AGBL4: variants seen among roughly 807,000 people sequenced by gnomAD.
The protein encoded by AGBL4 is cytosolic carboxypeptidase 6.
AGBL4 carries 58 observed loss-of-function variants against 66.4 expected under a neutral mutation model. The ratio of observed to expected loss-of-function variants is 0.87; its 90% CI spans 0.71 to 1.09. AGBL4 has a LOEUF of 1.09. Among genes scored for constraint, AGBL4 ranks in the 50% least tolerant of loss-of-function variants. AGBL4 has a pLI of 0.00. For synonymous variants in AGBL4, 234 were observed against 222.9 expected (o/e 1.05, Z -0.44); for missense variants, 579 against 631.0 (o/e 0.92, Z 0.88).
chr1:48,646,393 G>A (rs1447209766), intron 8 of AGBL4, among the ~76,000 whole-genome samples: 3 of 152,160 alleles, frequency 2.0e-5, no homozygotes, highest in Non-Finnish European at 2.9e-5. Context: ...AGAACAAATA[G>A]AACATTGACA....
chr1:49,522,325 C>G (rs1650328608), intron 3 of AGBL4, among the ~76,000 whole-genome samples: 3 of 151,996 alleles, frequency 2.0e-5, no homozygotes, highest in Admixed American at 2.0e-4. Flanking sequence ...CTCTGTATTA[C>G]CTAATCAACA....
chr1:49,499,459 C>T (rs1004647186), intron 3 of AGBL4, among the ~76,000 whole-genome samples: 1 of 151,714 alleles, frequency 6.6e-6, no homozygotes, highest in Admixed American at 6.6e-5. Flanking sequence ...TTGGTGCACC[C>T]ACCACCCAAG....
chr1:48,626,614 T>C (rs1449400955), intron 9 of AGBL4, among the ~76,000 whole-genome samples: 1 of 152,164 alleles, frequency 6.6e-6, no homozygotes, highest in Non-Finnish European at 1.5e-5. Context: ...CTCTACTATG[T>C]GTAGACAAGG....
At chr1:49,727,362 C>T (rs963170402) in intron 2 of AGBL4, among the ~76,000 whole-genome samples, 2 of 151,842 alleles carry the variant, frequency 1.3e-5, no homozygotes, top group Non-Finnish European at 2.9e-5. Flanking sequence ...AGAAAAAGTG[C>T]ATAACAATAG....
intron 1 of AGBL4, among the ~76,000 whole-genome samples, chr1:49,990,702 G>A (rs141128966): frequency 6.6e-5 from 10 of 152,254 alleles, no homozygotes; most frequent in South Asian, 6.2e-4. Flanking sequence ...ATCTGTCACC[G>A]ATTAGCCATG....
intron 1 of AGBL4, among the ~76,000 whole-genome samples, chr1:49,911,683 C>T (rs966028141): frequency 1.3e-5 from 2 of 152,136 alleles, no homozygotes; most frequent in African/African-American, 4.8e-5. Context: ...GCTGATCTGC[C>T]CCACAGAGTG....
chr1:48,772,410 G>A (rs1280366383), intron 6 of AGBL4, among the ~76,000 whole-genome samples: 1 of 152,186 alleles, frequency 6.6e-6, no homozygotes, highest in Non-Finnish European at 1.5e-5. Flanking sequence ...CCCACCTGTA[G>A]GTGAGCTCCT....
chr1:49,197,147 C>T (rs1232493029), intron 4 of AGBL4, among the ~76,000 whole-genome samples: 1 of 152,062 alleles, frequency 6.6e-6, no homozygotes, highest in African/African-American at 2.4e-5. Flanking sequence ...GTTGGTAGGG[C>T]CTTTTGGCTT....
At chr1:48,578,342 AG>A (rs1644685971) in intron 11 of AGBL4, among the ~76,000 whole-genome samples, 1 of 152,184 alleles carries the variant, frequency 6.6e-6, no homozygotes, top group Non-Finnish European at 1.5e-5. Context: ...GTCAATCAGA[AG>A]GATTCATATT....
chr1:48,773,454 T>C (rs1027532904), intron 6 of AGBL4, among the ~76,000 whole-genome samples: 2 of 152,124 alleles, frequency 1.3e-5, no homozygotes, highest in African/African-American at 4.8e-5. Flanking sequence ...TGAAGATTTA[T>C]TCAAGCAAAT....
chr1:48,945,438 G>A (rs1656416682), intron 5 of AGBL4, among the ~76,000 whole-genome samples: 1 of 152,120 alleles, frequency 6.6e-6, no homozygotes, highest in Non-Finnish European at 1.5e-5. Flanking sequence ...CCCATTTCCT[G>A]CTGCATTTGC....
At chr1:49,877,307 G>A (rs1647044760) in intron 1 of AGBL4, among the ~76,000 whole-genome samples, 1 of 151,316 alleles carries the variant, frequency 6.6e-6, no homozygotes, top group Admixed American at 6.6e-5. Flanking sequence ...GTCATAGATA[G>A]CTCTTATTAT....
intron 11 of AGBL4, among the ~76,000 whole-genome samples, chr1:48,581,568 C>T (rs190934443): frequency 1.0e-3 from 158 of 152,284 alleles, no homozygotes; most frequent in African/African-American, 3.7e-3. Context: ...TTTTTCAAAT[C>T]GTTTGAACAG....
intron 3 of AGBL4, among the ~76,000 whole-genome samples, chr1:49,414,120 T>C (rs1166209036): frequency 6.6e-6 from 1 of 152,178 alleles, no homozygotes; most frequent in African/African-American, 2.4e-5. Context: ...TACATTCTCC[T>C]CTAAAACCAT....
chr1:49,685,254 G>A (rs145766097), intron 3 of AGBL4, among the ~76,000 whole-genome samples: 1 of 152,272 alleles, frequency 6.6e-6, no homozygotes, highest in Admixed American at 6.5e-5. Context: ...CAGTAGTCGT[G>A]TATACATACC....
intron 1 of AGBL4, among the ~76,000 whole-genome samples, chr1:49,988,925 G>A (rs1407553930): frequency 1.3e-5 from 2 of 152,068 alleles, no homozygotes; most frequent in Non-Finnish European, 2.9e-5. Context: ...ATTCCCATTC[G>A]AGTAACTTTT....
At chr1:49,167,688 A>G (rs1161255525) in intron 4 of AGBL4, among the ~76,000 whole-genome samples, 1 of 152,216 alleles carries the variant, frequency 6.6e-6, no homozygotes, top group South Asian at 2.1e-4. Flanking sequence ...CATGTGCTCT[A>G]TGTTATGATT....
intron 3 of AGBL4, chr1:49,268,377 A>C (rs1643972122): frequency 6.6e-6 from 1 of 151,646 alleles, no homozygotes; most frequent in African/African-American, 2.4e-5. Context: ...AAACTCAGGC[A>C]AAACCAAAAT....
intron 8 of AGBL4, among the ~76,000 whole-genome samples, chr1:48,637,805 G>A (rs946193536): frequency 2.6e-5 from 4 of 152,142 alleles, no homozygotes; most frequent in Admixed American, 2.0e-4. Flanking sequence ...TTAGCTGACT[G>A]CACCCCTAAT....
Sources: gnomAD v4.1 joint callset for allele counts (sites outside exome capture counted in the v4.1 genomes callset) on GRCh38, gnomAD v4.1.1 for gene constraint, MANE v1.5 for transcripts, NCBI Gene and HGNC (gene_info 2026-07-23, HGNC 2026-07-21) for gene names.